KCTD16: variants seen among roughly 807,000 people sequenced by gnomAD.
The protein encoded by KCTD16 is BTB/POZ domain-containing protein KCTD16.
Under a neutral mutation model 33.2 loss-of-function variants are expected in KCTD16, and 13 were observed. That is an observed-to-expected ratio of 0.39 (90% CI 0.25 to 0.62). KCTD16 has a LOEUF of 0.62. Among genes scored for constraint, KCTD16 ranks in the 20% least tolerant of loss-of-function variants. KCTD16 has a pLI of 0.50. For missense variants in KCTD16, 441 were observed against 525.1 expected, an observed-to-expected ratio of 0.84 and a Z score of 1.57; for synonymous variants, 197 against 195.3, an observed-to-expected ratio of 1.01 and a Z score of -0.07.
At chr5:144,399,775 C>A (rs1211558772) in intron 3 of KCTD16, among the ~76,000 whole-genome samples, 1 of 152,130 alleles carries the variant, frequency 6.6e-6, no homozygotes, top group Non-Finnish European at 1.5e-5. Context: ...CTCTGCCCTT[C>A]TGGAACCAAA....
intron 3 of KCTD16, among the ~76,000 whole-genome samples, chr5:144,442,299 TTTCTC>T (rs1378910980): frequency 6.6e-6 from 1 of 152,084 alleles, no homozygotes; most frequent in Non-Finnish European, 1.5e-5. Flanking sequence ...TCCTAAATCT[TTTCTC>T]TTATTGCTTC....
intron 3 of KCTD16, among the ~76,000 whole-genome samples, chr5:144,382,518 A>G (rs1178349077): frequency 2.0e-5 from 3 of 152,078 alleles, no homozygotes; most frequent in East Asian, 1.9e-4. Context: ...TGAGCTCACT[A>G]TAGTTAGTTG....
chr5:144,451,313 T>C (rs1027087730), intron 3 of KCTD16, among the ~76,000 whole-genome samples: 5 of 152,212 alleles, frequency 3.3e-5, no homozygotes, highest in African/African-American at 1.2e-4. Context: ...CTCAATCTTA[T>C]ACCTGAGATA....
chr5:144,334,268 A>T (rs558377105), intron 3 of KCTD16, among the ~76,000 whole-genome samples: 2 of 152,344 alleles, frequency 1.3e-5, no homozygotes, highest in South Asian at 4.1e-4. Context: ...TCTTGGACAC[A>T]TAAAGGATGG....
In KCTD16 at chr5:144,207,377, A is replaced by T; in HGVS notation, c.663A>T (p.Arg221Ser). Residue 221 changes from arginine (R) to serine (S), a missense_variant, in exon 3 of 4, where the codon AGA becomes AGT. Physicochemically the swap from Arg to Ser is moderately radical, Grantham distance 110. Around this residue, in one of 3 missense-constraint regions of KCTD16, gnomAD observed 355 missense variants for 413.0 expected, o/e 0.86. Transcript: ENST00000512467. ...GAGACCCTGATCGAGCCCCAGAAAG[A>T]TACACCTCCAGATTTTATCTCAAAT... ...ESRDPDRAPE[R>S]YTSRFYLKFK... The T allele has an allele frequency of 6.2e-7, 1 of 1,614,206 alleles. No individual in the cohort carries two copies.
At chr5:144,438,133 C>T (rs1190084617) in intron 3 of KCTD16, among the ~76,000 whole-genome samples, 4 of 152,000 alleles carry the variant, frequency 2.6e-5, no homozygotes, top group South Asian at 2.1e-4. Flanking sequence ...TTTTTAAATG[C>T]GGCTACTAGA....
At chr5:144,272,711 GA>G (rs1376654547) in intron 3 of KCTD16, among the ~76,000 whole-genome samples, 23 of 152,240 alleles carry the variant, frequency 1.5e-4, no homozygotes, top group African/African-American at 5.5e-4. Flanking sequence ...TAAGGATGCT[GA>G]GACTATTCAG....
chr5:144,363,196 G>T (rs1007814235), intron 3 of KCTD16, among the ~76,000 whole-genome samples: 2 of 152,086 alleles, frequency 1.3e-5, no homozygotes, highest in Admixed American at 6.6e-5. Context: ...ACAAAAATTA[G>T]CCAGACATGG....
intron 3 of KCTD16, among the ~76,000 whole-genome samples, chr5:144,435,119 A>G (rs1655735449): frequency 6.6e-6 from 1 of 152,202 alleles, no homozygotes; most frequent in Non-Finnish European, 1.5e-5. Context: ...TTCATAAAAA[A>G]TTACAGTTCA....
Position 144,426,110 on chromosome 5 carries a change from A to G in KCTD16, c.833-47550A>G, listed in dbSNP as rs538623628. On this transcript the variant is annotated intron_variant, in intron 3 of 3. Transcript: ENST00000512467. ...TGTATGCAGCTAAAACCAGCCACACAGCAGAATGAATGTATTGCTGCTTAG... is the reference window on the plus strand; with the variant it reads ...TGTATGCAGCTAAAACCAGCCACACGGCAGAATGAATGTATTGCTGCTTAG... 2.6e-5 allele frequency among the ~76,000 whole-genome samples: 4 copies of G among 152,150 alleles called. No homozygotes were observed. In the South Asian group the frequency reaches 6.2e-4, roughly 24 times the overall value.
chr5:144,218,164 G>GTAATTC (rs1271992052), intron 3 of KCTD16, among the ~76,000 whole-genome samples: 1 of 152,148 alleles, frequency 6.6e-6, no homozygotes, highest in Non-Finnish European at 1.5e-5. Context: ...CCTGTGAACA[G>GTAATTC]AAGCATATGG....
intron 3 of KCTD16, among the ~76,000 whole-genome samples, chr5:144,380,253 G>T (rs971106352): frequency 1.3e-5 from 2 of 151,762 alleles, no homozygotes; most frequent in African/African-American, 4.8e-5. Flanking sequence ...GCCACAAAAA[G>T]AATAAAATAC....
intron 3 of KCTD16, among the ~76,000 whole-genome samples, chr5:144,376,790 A>C (rs891918280): frequency 1.3e-5 from 2 of 152,184 alleles, no homozygotes; most frequent in African/African-American, 4.8e-5. Context: ...GTCATGTTTT[A>C]AGGATGGTAG....
chr5:144,278,216 CTT>C (rs368734256), intron 3 of KCTD16, among the ~76,000 whole-genome samples: 3 of 151,804 alleles, frequency 2.0e-5, no homozygotes, highest in African/African-American at 7.3e-5. Flanking sequence ...GAGGTGGAAA[CTT>C]TTTTTGTATA....
intron 3 of KCTD16, among the ~76,000 whole-genome samples, chr5:144,456,148 G>A (rs1266407483): frequency 2.6e-5 from 4 of 151,776 alleles, no homozygotes; most frequent in Admixed American, 1.3e-4. Flanking sequence ...ATCTAAAAAG[G>A]CTCTTATAAT....
At chr5:144,286,712 T>A (rs1755755352) in intron 3 of KCTD16, among the ~76,000 whole-genome samples, 1 of 152,210 alleles carries the variant, frequency 6.6e-6, no homozygotes, top group Non-Finnish European at 1.5e-5. Context: ...TATGCCCATG[T>A]CTCCATGATT....
chr5:144,429,295 A>G (rs1753403741), intron 3 of KCTD16, among the ~76,000 whole-genome samples: 1 of 152,166 alleles, frequency 6.6e-6, no homozygotes, highest in African/African-American at 2.4e-5. Context: ...TTGGGAGGAT[A>G]CTGGCATGCC....
At chr5:144,250,224 T>C (rs1033872620) in intron 3 of KCTD16, among the ~76,000 whole-genome samples, 2 of 152,144 alleles carry the variant, frequency 1.3e-5, no homozygotes, top group Non-Finnish European at 2.9e-5. Flanking sequence ...ACAGTACTCA[T>C]TGCAACGTGA....
intron 3 of KCTD16, among the ~76,000 whole-genome samples, chr5:144,450,589 A>G (rs1184573226): frequency 6.6e-6 from 1 of 152,142 alleles, no homozygotes; most frequent in Non-Finnish European, 1.5e-5. Context: ...AATGTGGCAT[A>G]TACATACAAT....
Sources: gnomAD v4.1 joint callset for allele counts (sites outside exome capture counted in the v4.1 genomes callset) on GRCh38, gnomAD v4.1.1 for gene constraint, gnomAD v4.1.1 regional missense constraint, MANE v1.5 for transcripts, NCBI Gene and HGNC (gene_info 2026-07-23, HGNC 2026-07-21) for gene names.